The following PCBP3 variants were observed in gnomAD, a reference collection of about 807,000 sequenced individuals.
PCBP3 encodes poly(rC) binding protein 3, also known as poly(rC)-binding protein 3.
PCBP3 carries 25 observed loss-of-function variants against 52.7 expected under a neutral mutation model. The observed-to-expected ratio is 0.47, with a 90% CI of 0.35 to 0.66. The LOEUF (loss-of-function observed/expected upper bound fraction) is 0.66, where lower values mean the gene tolerates loss of function less well. Ranked by LOEUF, PCBP3 falls within the 30% of genes least tolerant of loss-of-function variation. The probability of loss-of-function intolerance (pLI) is 0.01; values close to 1 mark genes in which losing one functional copy is unlikely to be tolerated. For missense variants in PCBP3, 391 were observed against 490.3 expected (o/e 0.80, Z 1.91); for synonymous variants, 162 against 183.0 (o/e 0.89, Z 0.93).
At chr21:45,653,737 A>G (rs558394967) in intron 1 of PCBP3, among the ~76,000 whole-genome samples, 1 of 152,156 alleles carries the variant, frequency 6.6e-6, no homozygotes, top group African/African-American at 2.4e-5. Context: ...TTACTGATCT[A>G]TTTGGGTTTA....
At chr21:45,825,575 C>A (rs117859450) in intron 4 of PCBP3, among the ~76,000 whole-genome samples, 111 of 152,256 alleles carry the variant, frequency 7.3e-4, no homozygotes, top group South Asian at 2.1e-3. Context: ...TCAGTGTCAC[C>A]GTGGATGAGT....
At chr21:45,915,099 G>A (rs1240727102) in intron 12 of PCBP3, 2 of 152,188 alleles carry the variant, frequency 1.3e-5, no homozygotes, top group African/African-American at 2.4e-5. Flanking sequence ...CACTGGCCTC[G>A]TCTCCACAGC....
chr21:45,889,928 A>G (rs1569448100), intron 5 of PCBP3, among the ~76,000 whole-genome samples: 2 of 152,254 alleles, frequency 1.3e-5, no homozygotes, highest in African/African-American at 4.8e-5. Flanking sequence ...TAGCTCCGAG[A>G]CGGAGGCCTG....
In PCBP3 at chr21:45,899,750, C is replaced by G. The variant is rs927632792; in HGVS notation, c.189+128C>G. On this transcript the variant is annotated intron_variant, in intron 7 of 17. Transcript: ENST00000681687. ...TCCCAGTTGGTGGGTGGTCTGTGTT[C>G]CATGAAGACAGGACCCCAGAGGTGT... 6 of 695,030 alleles carry G rather than the reference C, an allele frequency of 8.6e-6. No individual in the cohort carries two copies. The African/African-American group carries it at 1.1e-4, about 13-fold the overall frequency. 43.1% of individuals were successfully genotyped at this position (695,030 alleles called of 1,614,324 possible). A position where few individuals can be genotyped will look rare whatever the true frequency, so the allele number is the denominator to read the frequency against.
chr21:45,875,726 T>C (rs1013332674), intron 5 of PCBP3, among the ~76,000 whole-genome samples: 1 of 152,206 alleles, frequency 6.6e-6, no homozygotes, highest in Non-Finnish European at 1.5e-5. Context: ...ATTCGCAGCC[T>C]CTCCTCCTCA....
rs866116406 is a variant in PCBP3, at chr21:45,883,064, G to A, written c.11-13144G>A. Reference sequence around the variant, plus strand: ...AGGTTTCCCTCTCAGCACTGCTGTAGTTGTGTCCTGCGATTTTTGATATGC... The same window carrying A: ...AGGTTTCCCTCTCAGCACTGCTGTAATTGTGTCCTGCGATTTTTGATATGC... On this transcript the variant is annotated intron_variant, in intron 5 of 17. Transcript: ENST00000681687. Among the ~76,000 whole-genome samples, 10 of 152,328 alleles carry A rather than the reference G, an allele frequency of 6.6e-5. No individual in the cohort carries two copies. The South Asian group carries it at 1.2e-3, about 19-fold the overall frequency.
In PCBP3 at chr21:45,741,299, G is replaced by A. The variant is rs1357518107; in HGVS notation, c.-162+5870G>A. On this transcript the variant is annotated intron_variant, in intron 3 of 17. Coordinates refer to ENST00000681687, the MANE Select transcript of PCBP3 (RefSeq NM_001384156.1). The surrounding 1 kb of genome is among the most constrained non-coding windows in gnomAD (Gnocchi z 4.5). The stretch of plus-strand genomic sequence containing the variant: ...GAACACCAAAGAAAGCAGTGGGGAG[G>A]CCCTTATTCACTGTGAGAAGCAGAA... Among the ~76,000 whole-genome samples the A allele has an allele frequency of 4.6e-5, 7 of 152,172 alleles. No homozygotes were observed. Among genetic ancestry groups the A allele is most frequent in the African/African-American group, 1.7e-4 (7 of 41,430 alleles).
At chr21:45,680,391 T>G (rs1368748558) in intron 2 of PCBP3, among the ~76,000 whole-genome samples, 1 of 152,248 alleles carries the variant, frequency 6.6e-6, no homozygotes, top group East Asian at 1.9e-4. Context: ...TTGTTTTAAT[T>G]CTTCAGTGTT....
chr21:45,863,591 C>G (rs572774281), intron 5 of PCBP3, among the ~76,000 whole-genome samples: 15 of 152,338 alleles, frequency 9.8e-5, no homozygotes, highest in South Asian at 8.3e-4. Flanking sequence ...TCACGCGGCT[C>G]CCGCCCGAGG....
At chr21:45,670,498 T>A (rs907235905) in intron 2 of PCBP3, among the ~76,000 whole-genome samples, 4 of 152,200 alleles carry the variant, frequency 2.6e-5, no homozygotes, top group African/African-American at 9.7e-5. Context: ...TGAAATAATT[T>A]GGGATGATTA....
intron 2 of PCBP3, among the ~76,000 whole-genome samples, chr21:45,714,455 C>G (rs562331584): frequency 1.3e-5 from 2 of 152,220 alleles, no homozygotes; most frequent in Middle Eastern, 6.8e-3. Flanking sequence ...CACACACATG[C>G]ATATGCAGAG....
chr21:45,785,515 G>A (rs1490607401), intron 4 of PCBP3, among the ~76,000 whole-genome samples: 11 of 149,466 alleles, frequency 7.4e-5, no homozygotes, highest in East Asian at 6.1e-4. Context: ...GAGGGGGGGG[G>A]GTCAGCCCCC....
At chr21:45,913,321 A>G (rs7277160) in intron 11 of PCBP3, among the ~76,000 whole-genome samples, 71,916 of 152,114 alleles carry the variant, frequency 0.47, 19,089 homozygotes, top group African/African-American at 0.73. Context: ...TAGTGAAGTG[A>G]GATGTTTCCA....
At position 45,843,171 on chromosome 21, in the gene PCBP3, G is replaced by A. The variant is rs543904087; in HGVS notation, c.-125-6790G>A. Among the ~76,000 whole-genome samples the A allele has an allele frequency of 1.3e-3, 186 of 145,814 alleles. 3 individuals carry two copies. In the Middle Eastern group the frequency reaches 0.014, roughly 11 times the overall value. On this transcript the variant is annotated intron_variant, in intron 4 of 17. Coordinates refer to ENST00000681687, the MANE Select transcript of PCBP3 (RefSeq NM_001384156.1). Reference sequence around the variant, plus strand: ...CAGCTTTCAGGGTTCTCTTCTGTTTGTTCCACATGTAATGTCCAGAGTTGT... The same window carrying A: ...CAGCTTTCAGGGTTCTCTTCTGTTTATTCCACATGTAATGTCCAGAGTTGT...
chr21:45,720,278 T>C (rs1250132584), intron 2 of PCBP3, among the ~76,000 whole-genome samples: 12 of 152,096 alleles, frequency 7.9e-5, no homozygotes, highest in Admixed American at 7.2e-4. Flanking sequence ...GCCTATATGT[T>C]CTCATTGTTC....
intron 2 of PCBP3, among the ~76,000 whole-genome samples, chr21:45,715,817 C>G (rs1341604130): frequency 1.3e-5 from 2 of 152,046 alleles, no homozygotes; most frequent in African/African-American, 2.4e-5. Context: ...AATCATTTTC[C>G]CATTTTTTAA....
At chr21:45,841,948 G>A (rs2093708146) in intron 4 of PCBP3, among the ~76,000 whole-genome samples, 1 of 152,236 alleles carries the variant, frequency 6.6e-6, no homozygotes, top group Non-Finnish European at 1.5e-5. Context: ...ACGCTGAGCT[G>A]TTTGTTGCCT....
In PCBP3 at chr21:45,735,788, A is replaced by G. The variant is rs2085823882; in HGVS notation, c.-162+359A>G. Reference sequence around the variant, plus strand: ...AGCCTACTGCACGAGCCTACCGCACAAGCCTACCGCACGCCTTTGTTCTTG... The same window carrying G: ...AGCCTACTGCACGAGCCTACCGCACGAGCCTACCGCACGCCTTTGTTCTTG... On this transcript the variant is annotated intron_variant, in intron 3 of 17. Coordinates refer to ENST00000681687, the MANE Select transcript of PCBP3 (RefSeq NM_001384156.1). This position sits in a 1 kb window ranked among gnomAD's most constrained non-coding sequence, Gnocchi z 4.0. 6.6e-6 allele frequency among the ~76,000 whole-genome samples: 1 copy of G among 152,180 alleles called. No homozygotes were observed. Among genetic ancestry groups the G allele is most frequent in the African/African-American group, 2.4e-5 (1 of 41,458 alleles).
chr21:45,681,464 A>G (rs1413416248), intron 2 of PCBP3, among the ~76,000 whole-genome samples: 2 of 152,214 alleles, frequency 1.3e-5, no homozygotes, highest in African/African-American at 4.8e-5. Context: ...ATGGGGTTAC[A>G]TCCTGATAAA....
Sources: gnomAD v4.1 joint callset for allele counts (sites outside exome capture counted in the v4.1 genomes callset) on GRCh38, gnomAD v4.1.1 for gene constraint, Gnocchi (gnomAD v3.1) non-coding constraint, MANE v1.5 for transcripts, NCBI Gene and HGNC (gene_info 2026-07-23, HGNC 2026-07-21) for gene names.